Variants in DDX10 observed in about 807,000 individuals in gnomAD.
DDX10 encodes the protein probable ATP-dependent RNA helicase DDX10.
DDX10 carries 74 observed loss-of-function variants against 104.3 expected under a neutral mutation model. The ratio of observed to expected loss-of-function variants is 0.71; its 90% CI spans 0.59 to 0.86. The LOEUF (loss-of-function observed/expected upper bound fraction) is 0.86. DDX10 is among the 40% of genes least tolerant of loss of function. The pLI is 0.00. For missense variants in DDX10, 952 were observed against 1,040.0 expected (o/e 0.92, Z 1.16); for synonymous variants, 351 against 353.4 (o/e 0.99, Z 0.08).
chr11:108,725,342 G>A (rs1591802073), intron 13 of DDX10, among the ~76,000 whole-genome samples: 1 of 151,964 alleles, frequency 6.6e-6, no homozygotes, highest in Admixed American at 6.6e-5. Context: ...CTAGGAATAG[G>A]GTTACTGGGA....
chr11:108,771,927 G>T (rs571911615), intron 13 of DDX10, among the ~76,000 whole-genome samples: 77 of 152,330 alleles, frequency 5.1e-4, no homozygotes, highest in African/African-American at 1.8e-3. Context: ...AGTCTTTGCT[G>T]TGAGGGTCAG....
intron 13 of DDX10, among the ~76,000 whole-genome samples, chr11:108,732,552 G>A (rs2094313553): frequency 6.6e-6 from 1 of 152,184 alleles, no homozygotes; most frequent in Non-Finnish European, 1.5e-5. Context: ...GTGCAAGCAA[G>A]GCCTTCTGGA....
intron 10 of DDX10, among the ~76,000 whole-genome samples, chr11:108,715,028 G>A (rs78278420): frequency 0.14 from 20,484 of 150,628 alleles, 1,672 homozygotes; most frequent in East Asian, 0.25. Context: ...AAACAATGAG[G>A]TCTCTTTTGT....
At chr11:108,678,737 T>G (rs1318414690) in intron 5 of DDX10, among the ~76,000 whole-genome samples, 2 of 152,126 alleles carry the variant, frequency 1.3e-5, no homozygotes, top group East Asian at 3.8e-4. Context: ...TTTTTTTAAA[T>G]GAACTTTTTC....
At chr11:108,784,601 A>C (rs1861761625) in intron 13 of DDX10, among the ~76,000 whole-genome samples, 1 of 152,144 alleles carries the variant, frequency 6.6e-6, no homozygotes. Flanking sequence ...ACTTTTGTCA[A>C]ATGTCAAAAT....
At chr11:108,667,216 C>T (rs569876400) in intron 1 of DDX10, among the ~76,000 whole-genome samples, 1 of 152,280 alleles carries the variant, frequency 6.6e-6, no homozygotes, top group East Asian at 1.9e-4. Flanking sequence ...CAAAAGCTGC[C>T]ATAGAAATAC....
intron 15 of DDX10, among the ~76,000 whole-genome samples, chr11:108,842,397 GATGTGA>G (rs2134596838): frequency 6.6e-6 from 1 of 152,278 alleles, no homozygotes; most frequent in East Asian, 1.9e-4. Context: ...AATACCTTTG[GATGTGA>G]ACATTGTTAA....
At chr11:108,792,182 A>G (rs1861879897) in intron 13 of DDX10, among the ~76,000 whole-genome samples, 1 of 152,154 alleles carries the variant, frequency 6.6e-6, no homozygotes, top group Admixed American at 6.5e-5. Flanking sequence ...ATTCTGTATC[A>G]TATAGATTGT....
chr11:108,866,605 G>T (rs879479457), intron 16 of DDX10, among the ~76,000 whole-genome samples: 1 of 152,170 alleles, frequency 6.6e-6, no homozygotes, highest in Non-Finnish European at 1.5e-5. Flanking sequence ...CCAAAACTTG[G>T]CATATATCAT....
intron 13 of DDX10, among the ~76,000 whole-genome samples, chr11:108,824,921 T>C (rs1311208773): frequency 6.6e-6 from 1 of 152,174 alleles, no homozygotes; most frequent in Non-Finnish European, 1.5e-5. Context: ...ATTATGGGAT[T>C]TTCCCTTAAC....
intron 13 of DDX10, among the ~76,000 whole-genome samples, chr11:108,728,379 T>G (rs1271199299): frequency 6.6e-6 from 1 of 152,128 alleles, no homozygotes; most frequent in Non-Finnish European, 1.5e-5. Context: ...ATAAAATGCT[T>G]ATTTTTGGTG....
intron 9 of DDX10, among the ~76,000 whole-genome samples, chr11:108,706,535 A>G (rs1358495082): frequency 6.6e-6 from 1 of 152,150 alleles, no homozygotes; most frequent in Non-Finnish European, 1.5e-5. Flanking sequence ...GGAACAGCCT[A>G]AAAGTCACTG....
At chr11:108,746,606 T>C (rs960137677) in intron 13 of DDX10, among the ~76,000 whole-genome samples, 1 of 152,296 alleles carries the variant, frequency 6.6e-6, no homozygotes. Context: ...TTGAACTGTA[T>C]GCCTATATTT....
intron 16 of DDX10, among the ~76,000 whole-genome samples, chr11:108,864,027 G>T (rs1232605578): frequency 1.3e-5 from 2 of 152,194 alleles, no homozygotes; most frequent in African/African-American, 4.8e-5. Flanking sequence ...CCGAGCCTCA[G>T]TTTCCTCTTT....
intron 13 of DDX10, among the ~76,000 whole-genome samples, chr11:108,803,021 A>G (rs1373834389): frequency 6.6e-6 from 1 of 152,260 alleles, no homozygotes; most frequent in Non-Finnish European, 1.5e-5. Flanking sequence ...GGCAATTGGA[A>G]TTGAATGTAT....
intron 12 of DDX10, among the ~76,000 whole-genome samples, chr11:108,722,468 G>A (rs1264981691): frequency 1.3e-5 from 2 of 152,136 alleles, no homozygotes; most frequent in African/African-American, 2.4e-5. Context: ...CAATGATTGT[G>A]CCATATTCTC....
At chr11:108,801,171 T>G (rs1862015676) in intron 13 of DDX10, among the ~76,000 whole-genome samples, 1 of 152,152 alleles carries the variant, frequency 6.6e-6, no homozygotes, top group African/African-American at 2.4e-5. Flanking sequence ...TTGTTTCAGT[T>G]TTGTCAAGAA....
At chr11:108,852,099 C>G (rs1287254068) in intron 15 of DDX10, 54 bp from the exon 16 acceptor site, 2 of 1,362,476 alleles carry the variant, frequency 1.5e-6, no homozygotes, top group Admixed American at 4.2e-5. Flanking sequence ...AATGTGTAGT[C>G]TGTTTTATAC....
intron 13 of DDX10, among the ~76,000 whole-genome samples, chr11:108,796,344 T>G (rs925582545): frequency 1.3e-5 from 2 of 152,238 alleles, no homozygotes; most frequent in Non-Finnish European, 2.9e-5. Context: ...GATTGTATAC[T>G]TCTGTTTTAT....
Sources: allele counts gnomAD v4.1 joint callset (sites outside exome capture counted in the v4.1 genomes callset), GRCh38; gene constraint gnomAD v4.1.1; transcripts MANE v1.5; gene names NCBI Gene and HGNC (gene_info 2026-07-23, HGNC 2026-07-21).